The following CSMD1 variants were observed in gnomAD, a reference collection of about 807,000 sequenced individuals.
The protein encoded by CSMD1 is CUB and sushi domain-containing protein 1.
In CSMD1, 213 loss-of-function variants were observed where a neutral mutation model predicts 417.5. That is an observed-to-expected ratio of 0.51 (90% CI 0.46 to 0.57). The LOEUF (loss-of-function observed/expected upper bound fraction) is 0.57. Ranked by LOEUF, CSMD1 falls within the 20% of genes least tolerant of loss-of-function variation. CSMD1 has a pLI of 0.00. For synonymous variants in CSMD1, 2,862 were observed against 1,736.8 expected (o/e 1.65, Z -16.11); for missense variants, 6,923 against 4,529.7 (o/e 1.53, Z -15.17).
chr8:4,731,477 A>T (rs1463408108), intron 1 of CSMD1, among the ~76,000 whole-genome samples: 1 of 152,206 alleles, frequency 6.6e-6, no homozygotes, highest in Non-Finnish European at 1.5e-5. Context: ...TTGCCTTGGA[A>T]AGGAGCAAAT....
intron 3 of CSMD1, among the ~76,000 whole-genome samples, chr8:4,142,959 A>G (rs538999427): frequency 6.7e-5 from 10 of 150,218 alleles, no homozygotes; most frequent in Admixed American, 5.3e-4. Flanking sequence ...AAATACCCAG[A>G]AACTATCAGA....
intron 3 of CSMD1, among the ~76,000 whole-genome samples, chr8:4,160,052 C>T (rs1184155096): frequency 6.6e-6 from 1 of 150,762 alleles, no homozygotes. Flanking sequence ...TTCATGTAAC[C>T]AAATACCACC....
intron 3 of CSMD1, among the ~76,000 whole-genome samples, chr8:4,176,031 G>C (rs546202045): frequency 6.6e-6 from 1 of 152,186 alleles, no homozygotes; most frequent in African/African-American, 2.4e-5. Flanking sequence ...GCCATTTCAG[G>C]GTTCCCAAGA....
At chr8:3,654,770 C>G (rs1240814575) in intron 7 of CSMD1, among the ~76,000 whole-genome samples, 1 of 152,140 alleles carries the variant, frequency 6.6e-6, no homozygotes, top group Non-Finnish European at 1.5e-5. Context: ...CGGGGTAGGA[C>G]TGGGTGCTCC....
At chr8:4,073,124 A>C (rs1304898669) in intron 3 of CSMD1, among the ~76,000 whole-genome samples, 1 of 152,162 alleles carries the variant, frequency 6.6e-6, no homozygotes, top group Non-Finnish European at 1.5e-5. Flanking sequence ...TGATTCTAGA[A>C]ATTGGCAGAA....
chr8:4,818,254 G>C (rs568940398), intron 1 of CSMD1, among the ~76,000 whole-genome samples: 1 of 152,042 alleles, frequency 6.6e-6, no homozygotes, highest in Non-Finnish European at 1.5e-5. Flanking sequence ...TCTTTGTAAC[G>C]ATTTTCTCGT....
At chr8:3,453,810 T>G (rs1041216052) in intron 12 of CSMD1, among the ~76,000 whole-genome samples, 7 of 152,224 alleles carry the variant, frequency 4.6e-5, no homozygotes, top group Non-Finnish European at 7.3e-5. Context: ...GGGATAGTTC[T>G]GTAGATGTCT....
chr8:4,426,722 C>G (rs1038450668), intron 2 of CSMD1, among the ~76,000 whole-genome samples: 2 of 145,644 alleles, frequency 1.4e-5, no homozygotes, highest in South Asian at 4.3e-4. Flanking sequence ...TATTTTATTA[C>G]TATATACATT....
rs535566437 is a variant in CSMD1, at chr8:3,444,670, G to C, written c.1561+24042C>G. 2.6e-5 allele frequency among the ~76,000 whole-genome samples: 4 copies of C among 152,246 alleles called. No homozygotes were observed. In the South Asian group the frequency reaches 8.3e-4, roughly 32 times the overall value. ...CAAACAAAAGTATGCAGTGGAAATG[G>C]TGATAGGCCTGAGGCTGAGGAGGCT... On this transcript the variant is annotated intron_variant, in intron 12 of 69. Transcript: ENST00000635120.
At chr8:4,446,546 C>T (rs1057343423) in intron 2 of CSMD1, among the ~76,000 whole-genome samples, 1 of 152,072 alleles carries the variant, frequency 6.6e-6, no homozygotes, top group African/African-American at 2.4e-5. Flanking sequence ...GACCCCGGTT[C>T]TGCTTTGTTT....
chr8:4,203,555 T>A lies in CSMD1; in HGVS notation c.416-171456A>T, dbSNP rs138717063. Among the ~76,000 whole-genome samples the A allele has an allele frequency of 4.5e-3, 686 of 152,244 alleles. 3 individuals carry two copies. The highest frequency in any genetic ancestry group is 6.9e-3 in the Non-Finnish European group (470 of 68,008). On this transcript the variant is annotated intron_variant, in intron 3 of 69. Transcript: ENST00000635120. ...CCTTCTGTTATTAAACAGCTGGGTG[T>A]GAATTTGGAAGTCAGTGTAGCTGGG...
chr8:4,616,755 G>A (rs936082194), intron 2 of CSMD1, among the ~76,000 whole-genome samples: 1 of 152,076 alleles, frequency 6.6e-6, no homozygotes, highest in Non-Finnish European at 1.5e-5. Flanking sequence ...CAGGGATATT[G>A]GCATAAATGC....
intron 8 of CSMD1, among the ~76,000 whole-genome samples, chr8:3,614,962 G>T (rs111254415): frequency 6.6e-6 from 1 of 152,208 alleles, no homozygotes; most frequent in African/African-American, 2.4e-5. Flanking sequence ...TGAAAGACAT[G>T]ACTGTTGACA....
Position 2,980,362 on chromosome 8 carries a change from G to A in CSMD1, c.8378-1562C>T, listed in dbSNP as rs371921797. Among the ~76,000 whole-genome samples the A allele has an allele frequency of 1.4e-3, 202 of 149,404 alleles. 2 individuals are homozygous for A. The highest frequency in any genetic ancestry group is 4.8e-3 in the African/African-American group (196 of 40,552). On this transcript the variant is annotated intron_variant, in intron 54 of 69. Transcript: ENST00000635120. The stretch of plus-strand genomic sequence containing the variant: ...CTCCTCCATTTCCTCCTCCACCTCT[G>A]TGTCCTTTCTTCCTCCTCCTCTTCC...
intron 10 of CSMD1, among the ~76,000 whole-genome samples, chr8:3,535,382 A>G (rs768353901): frequency 6.6e-6 from 1 of 152,214 alleles, no homozygotes; most frequent in Non-Finnish European, 1.5e-5. Context: ...AAATGGAAAT[A>G]AAAGTGTGAA....
chr8:4,299,629 A>C (rs542026440), intron 3 of CSMD1, among the ~76,000 whole-genome samples: 7 of 152,228 alleles, frequency 4.6e-5, no homozygotes, highest in Non-Finnish European at 1.0e-4. Context: ...CATATATCAT[A>C]CACTATCTTT....
rs1451950803 is a variant in CSMD1, at chr8:3,033,089, A to C, written c.7661-3576T>G. Among the ~76,000 whole-genome samples the C allele has an allele frequency of 2.1e-4, 32 of 150,692 alleles. 1 individual carries two copies. The Admixed American group carries it at 2.1e-3, about 10-fold the overall frequency. ...TTGTTCTCTTCCAACTATTAATTCT[A>C]GGCTACAGTTTCTATAAAAAAAATT... On this transcript the variant is annotated intron_variant, in intron 50 of 69. Coordinates refer to ENST00000635120, the MANE Select transcript of CSMD1 (RefSeq NM_033225.6).
At position 3,363,093 on chromosome 8, in the gene CSMD1, G is replaced by A. The variant is rs77890970; in HGVS notation, c.3116-3753C>T. 8.1e-3 allele frequency among the ~76,000 whole-genome samples: 1,237 copies of A among 152,268 alleles called. 24 individuals carry two copies. Among genetic ancestry groups the A allele is most frequent in the African/African-American group, 0.028 (1,183 of 41,556 alleles). On this transcript the variant is annotated intron_variant, in intron 20 of 69. Coordinates refer to ENST00000635120, the MANE Select transcript of CSMD1 (RefSeq NM_033225.6). ...AGGGGTCTGGCCACAGTGCCCCTCTGCTTTATCCTAAACTTGGTGTCTTGG... is the reference window on the plus strand; with the variant it reads ...AGGGGTCTGGCCACAGTGCCCCTCTACTTTATCCTAAACTTGGTGTCTTGG...
At chr8:3,175,653 C>T (rs566739051) in intron 37 of CSMD1, among the ~76,000 whole-genome samples, 2 of 145,914 alleles carry the variant, frequency 1.4e-5, no homozygotes, top group Admixed American at 6.8e-5. Flanking sequence ...AGGCCCCGTT[C>T]CCTCTGCATA....
Sources: gnomAD v4.1 joint callset for allele counts (sites outside exome capture counted in the v4.1 genomes callset) on GRCh38, gnomAD v4.1.1 for gene constraint, MANE v1.5 for transcripts, NCBI Gene and HGNC (gene_info 2026-07-23, HGNC 2026-07-21) for gene names.